The following HCN1 variants were observed in gnomAD, a reference collection of about 807,000 sequenced individuals.
The protein encoded by HCN1 is potassium/sodium hyperpolarization-activated cyclic nucleotide-gated channel 1.
Under a neutral mutation model 78.9 loss-of-function variants are expected in HCN1, and 13 were observed. The ratio of observed to expected loss-of-function variants is 0.16; its 90% CI spans 0.11 to 0.26. The LOEUF is 0.26. Among genes scored for constraint, HCN1 ranks in the 10% least tolerant of loss-of-function variants. The pLI is 1.00. For missense variants in HCN1, 810 were observed against 1,154.3 expected, an observed-to-expected ratio of 0.70 and a Z score of 4.32; for synonymous variants, 552 against 455.5, an observed-to-expected ratio of 1.21 and a Z score of -2.70.
intron 5 of HCN1, among the ~76,000 whole-genome samples, chr5:45,336,629 G>A (rs1292472611): frequency 6.6e-6 from 1 of 152,056 alleles, no homozygotes; most frequent in Non-Finnish European, 1.5e-5. Context: ...AACCGGTGTA[G>A]CAATGGTTTT....
intron 1 of HCN1, among the ~76,000 whole-genome samples, chr5:45,666,394 A>T (rs1746049108): frequency 6.6e-6 from 1 of 152,074 alleles, no homozygotes. Context: ...ATAAATTCTC[A>T]TAAGCTACCC....
At chr5:45,432,257 G>T (rs1038151616) in intron 3 of HCN1, among the ~76,000 whole-genome samples, 18 of 152,070 alleles carry the variant, frequency 1.2e-4, no homozygotes, top group African/African-American at 4.3e-4. Flanking sequence ...GTATAGGAAT[G>T]ATATTAATTT....
intron 3 of HCN1, among the ~76,000 whole-genome samples, chr5:45,398,089 A>C (rs1260892013): frequency 1.3e-5 from 2 of 151,888 alleles, no homozygotes; most frequent in Non-Finnish European, 2.9e-5. Context: ...ACTTCTGATA[A>C]TTTATTTAAA....
At chr5:45,691,129 G>A (rs1246629761) in intron 1 of HCN1, among the ~76,000 whole-genome samples, 3 of 151,990 alleles carry the variant, frequency 2.0e-5, no homozygotes, top group Non-Finnish European at 4.4e-5. Context: ...AGATATAGTT[G>A]AATATAATTT....
At chr5:45,369,860 T>C (rs929910529) in intron 4 of HCN1, among the ~76,000 whole-genome samples, 13 of 152,064 alleles carry the variant, frequency 8.5e-5, no homozygotes, top group African/African-American at 3.1e-4. Context: ...ATAAGATACC[T>C]AAGAGATAAG....
intron 5 of HCN1, among the ~76,000 whole-genome samples, chr5:45,312,289 A>G (rs1745865300): frequency 6.6e-6 from 1 of 152,212 alleles, no homozygotes; most frequent in Non-Finnish European, 1.5e-5. Context: ...ATGAAACAGC[A>G]TAATACAAGA....
intron 6 of HCN1, among the ~76,000 whole-genome samples, chr5:45,268,222 C>A (rs1744897994): frequency 6.6e-6 from 1 of 152,022 alleles, no homozygotes; most frequent in South Asian, 2.1e-4. Context: ...TTTAGATTTC[C>A]AAAATATGGT....
intron 3 of HCN1, among the ~76,000 whole-genome samples, chr5:45,441,749 G>C (rs971211586): frequency 6.6e-6 from 1 of 152,154 alleles, no homozygotes; most frequent in East Asian, 1.9e-4. Flanking sequence ...TCTGGTAACT[G>C]TTTATTATGG....
At chr5:45,533,431 G>A (rs542396454) in intron 2 of HCN1, among the ~76,000 whole-genome samples, 7 of 152,170 alleles carry the variant, frequency 4.6e-5, no homozygotes, top group East Asian at 1.9e-4. Flanking sequence ...TTGTGTCACC[G>A]CCACTTTGAA....
chr5:45,678,535 G>A (rs1331290223), intron 1 of HCN1, among the ~76,000 whole-genome samples: 1 of 151,872 alleles, frequency 6.6e-6, no homozygotes, highest in East Asian at 1.9e-4. Flanking sequence ...TGTGGCTAAA[G>A]TTTTAGAGCC....
intron 5 of HCN1, among the ~76,000 whole-genome samples, chr5:45,313,316 G>A (rs1458579595): frequency 6.6e-6 from 1 of 152,138 alleles, no homozygotes; most frequent in Non-Finnish European, 1.5e-5. Flanking sequence ...CTGACTGTTA[G>A]AAGGAAAACT....
chr5:45,346,347 G>C (rs1746707649), intron 5 of HCN1, among the ~76,000 whole-genome samples: 1 of 152,168 alleles, frequency 6.6e-6, no homozygotes, highest in African/African-American at 2.4e-5. Context: ...AAAGGAGAGG[G>C]CAAAGAAGTG....
At chr5:45,679,504 A>G (rs1739661258) in intron 1 of HCN1, among the ~76,000 whole-genome samples, 1 of 152,010 alleles carries the variant, frequency 6.6e-6, no homozygotes, top group African/African-American at 2.4e-5. Context: ...TAAAATCTCT[A>G]CTTATTTTGG....
intron 6 of HCN1, among the ~76,000 whole-genome samples, chr5:45,288,916 T>C (rs771835217): frequency 6.6e-6 from 1 of 151,742 alleles, no homozygotes; most frequent in Admixed American, 6.6e-5. Flanking sequence ...AGAGACAGAG[T>C]TGAAATGAGA....
chr5:45,531,237 G>A (rs1410872777), intron 2 of HCN1, among the ~76,000 whole-genome samples: 1 of 152,050 alleles, frequency 6.6e-6, no homozygotes, highest in African/African-American at 2.4e-5. Context: ...TCTTCCCTTT[G>A]AACTGGCACT....
At chr5:45,666,957 G>A (rs1487130919) in intron 1 of HCN1, among the ~76,000 whole-genome samples, 4 of 152,018 alleles carry the variant, frequency 2.6e-5, no homozygotes, top group Non-Finnish European at 1.5e-5. Flanking sequence ...AAAGCCTAAT[G>A]TCTAAGAGAA....
chr5:45,334,766 T>C (rs1746420280), intron 5 of HCN1, among the ~76,000 whole-genome samples: 1 of 151,984 alleles, frequency 6.6e-6, no homozygotes, highest in African/African-American at 2.4e-5. Flanking sequence ...TCAGATCCTT[T>C]ACATAATTTT....
chr5:45,624,998 T>C (rs1172866625), intron 2 of HCN1, among the ~76,000 whole-genome samples: 1 of 152,148 alleles, frequency 6.6e-6, no homozygotes, highest in Non-Finnish European at 1.5e-5. Flanking sequence ...GTTTTCCTCA[T>C]AAAATTGTTT....
At chr5:45,341,252 A>C (rs1000475045) in intron 5 of HCN1, among the ~76,000 whole-genome samples, 1 of 152,188 alleles carries the variant, frequency 6.6e-6, no homozygotes, top group African/African-American at 2.4e-5. Flanking sequence ...GCAAGGAAAA[A>C]ATTCAACCTG....
Sources: allele counts gnomAD v4.1 joint callset (sites outside exome capture counted in the v4.1 genomes callset), GRCh38; gene constraint gnomAD v4.1.1; transcripts MANE v1.5; gene names NCBI Gene and HGNC (gene_info 2026-07-23, HGNC 2026-07-21).